Variants in TMC1 observed in about 807,000 individuals in gnomAD.
TMC1 encodes transmembrane channel-like protein 1.
A neutral mutation model predicts 105.8 loss-of-function variants in TMC1; 84 were observed. The observed-to-expected ratio is 0.79, with a 90% CI of 0.67 to 0.95. The LOEUF (loss-of-function observed/expected upper bound fraction) is 0.95. Ranked by LOEUF, TMC1 falls within the 40% of genes least tolerant of loss-of-function variation. TMC1 has a pLI of 0.00. For synonymous variants in TMC1, 315 were observed against 311.5 expected, an observed-to-expected ratio of 1.01 and a Z score of -0.12; for missense variants, 817 against 914.1, an observed-to-expected ratio of 0.89 and a Z score of 1.37.
intron 1 of TMC1, among the ~76,000 whole-genome samples, chr9:72,559,805 CA>C (rs1271329932): frequency 6.6e-6 from 1 of 151,924 alleles, no homozygotes; most frequent in Non-Finnish European, 1.5e-5. Context: ...GAAATGATGA[CA>C]AAAAAATGGC....
At position 72,648,684 on chromosome 9, in the gene TMC1, T is replaced by A; in HGVS notation, c.16+20T>A. ...AAAAAGGTATTTACAAAATCAAGAC[T>A]GTCTGTAGGACACTATGTCTTTCTG... On this transcript the variant is annotated intron_variant, in intron 5 of 23. Coordinates refer to ENST00000297784, the MANE Select transcript of TMC1 (RefSeq NM_138691.3). The A allele has an allele frequency of 6.2e-7, 1 of 1,604,152 alleles. No homozygotes were observed.
At chr9:72,714,459 G>A (rs900734852) in intron 8 of TMC1, among the ~76,000 whole-genome samples, 2 of 152,154 alleles carry the variant, frequency 1.3e-5, no homozygotes, top group Admixed American at 1.3e-4. Context: ...TGTATTGGGT[G>A]CATATATATT....
chr9:72,755,023 G>GGAAA (rs1201958519), intron 12 of TMC1, 139 bp downstream of exon 12: 7 of 334,024 alleles, frequency 2.1e-5, no homozygotes, highest in South Asian at 9.2e-5. Context: ...AAGAAAGAAA[G>GGAAA]GAAAGAAAGA....
intron 2 of TMC1, among the ~76,000 whole-genome samples, chr9:72,615,539 A>G (rs766894685): frequency 1.6e-4 from 25 of 152,236 alleles, no homozygotes; most frequent in Non-Finnish European, 2.5e-4. Context: ...GGGAAATCAC[A>G]TAACTGCTTC....
chr9:72,549,057 ATACTT>A (rs1161478118), intron 1 of TMC1, among the ~76,000 whole-genome samples: 1 of 152,218 alleles, frequency 6.6e-6, no homozygotes, highest in African/African-American at 2.4e-5. Flanking sequence ...GAATTTTAGA[ATACTT>A]TATAAGAAAC....
chr9:72,585,078 C>G (rs1266693491), intron 2 of TMC1, among the ~76,000 whole-genome samples: 4 of 151,748 alleles, frequency 2.6e-5, no homozygotes, highest in African/African-American at 9.7e-5. Context: ...AGCCACCATG[C>G]CTGGCCATTT....
chr9:72,661,335 C>G (rs924314785), intron 5 of TMC1, among the ~76,000 whole-genome samples: 1 of 152,222 alleles, frequency 6.6e-6, no homozygotes, highest in African/African-American at 2.4e-5. Flanking sequence ...ACTTCTCAAG[C>G]AGCTGTGTCA....
chr9:72,575,270 TC>T (rs1824361007), intron 1 of TMC1, among the ~76,000 whole-genome samples: 2 of 152,070 alleles, frequency 1.3e-5, no homozygotes, highest in African/African-American at 4.8e-5. Flanking sequence ...AACCTCTGCC[TC>T]CCGGGTTCAA....
At chr9:72,806,584 T>C (rs201828265) in intron 18 of TMC1, among the ~76,000 whole-genome samples, 22,011 of 134,760 alleles carry the variant, frequency 0.16, 1,992 homozygotes, top group African/African-American at 0.23. Flanking sequence ...ACTTCTCAGA[T>C]GGGGCGGCCG....
At chr9:72,595,221 C>G (rs1328938486) in intron 2 of TMC1, among the ~76,000 whole-genome samples, 2 of 152,120 alleles carry the variant, frequency 1.3e-5, no homozygotes, top group Admixed American at 1.3e-4. Context: ...GGATTTGAAG[C>G]CAAATGGTAT....
At chr9:72,755,982 G>A (rs1827670866) in intron 12 of TMC1, among the ~76,000 whole-genome samples, 1 of 152,260 alleles carries the variant, frequency 6.6e-6, no homozygotes, top group Middle Eastern at 3.4e-3. Context: ...ATGATTCATA[G>A]AGCCTTGAAG....
intron 12 of TMC1, among the ~76,000 whole-genome samples, chr9:72,766,930 C>T (rs1827847588): frequency 6.6e-6 from 1 of 152,196 alleles, no homozygotes; most frequent in African/African-American, 2.4e-5. Flanking sequence ...AGGAGTGTGG[C>T]CATGCGCTGC....
At chr9:72,733,215 T>C (rs939200354) in intron 8 of TMC1, among the ~76,000 whole-genome samples, 2 of 151,074 alleles carry the variant, frequency 1.3e-5, no homozygotes, top group Admixed American at 6.6e-5. Context: ...TTGAGAGAGA[T>C]AGAGAGAGAG....
chr9:72,639,060 T>C (rs1027827958), intron 4 of TMC1, among the ~76,000 whole-genome samples: 10 of 151,960 alleles, frequency 6.6e-5, no homozygotes, highest in Non-Finnish European at 1.5e-4. Context: ...TTCATTATTG[T>C]TTTTTTTAAA....
chr9:72,758,809 T>C (rs1370568118), intron 12 of TMC1, among the ~76,000 whole-genome samples: 2 of 152,222 alleles, frequency 1.3e-5, no homozygotes, highest in Non-Finnish European at 2.9e-5. Context: ...TTTATTATCA[T>C]TTTTGTGAAT....
chr9:72,831,959 T>C (rs74555786), intron 23 of TMC1, among the ~76,000 whole-genome samples: 1 of 151,238 alleles, frequency 6.6e-6, no homozygotes, highest in Non-Finnish European at 1.5e-5. Context: ...ACCCAAAGGA[T>C]TTTTTTTCTT....
At chr9:72,700,418 T>A in intron 7 of TMC1, 100 bp from the exon 8 acceptor site, 1 of 1,021,800 alleles carries the variant, frequency 9.8e-7, no homozygotes, top group Admixed American at 2.3e-5. Flanking sequence ...TATGGTTACA[T>A]TTAAAAAAAA....
At position 72,792,348 on chromosome 9, in the gene TMC1, G is replaced by C; in HGVS notation, c.1562G>C (p.Gly521Ala). Residue 521 changes from glycine (G) to alanine (A), a missense_variant, in exon 17 of 24, where the codon GGA becomes GCA. Transcript: ENST00000297784. Reference sequence around the variant, plus strand: ...GGACCTTGCTGGGAAACAATGGTGGGACAGGTAATGCCACCAACAGAAGTG... The same window carrying C: ...GGACCTTGCTGGGAAACAATGGTGGCACAGGTAATGCCACCAACAGAAGTG... ...PRGPCWETMV[G>A]QEFVRLTVSD... 1 of 1,614,026 alleles carries C rather than the reference G, an allele frequency of 6.2e-7. No individual in the cohort carries two copies. The highest frequency in any genetic ancestry group is 8.5e-7 in the Non-Finnish European group (1 of 1,179,978).
intron 2 of TMC1, among the ~76,000 whole-genome samples, chr9:72,606,978 T>TGTGTGC (rs1564440479): frequency 4.9e-4 from 67 of 138,112 alleles, no homozygotes; most frequent in African/African-American, 1.9e-3. Flanking sequence ...TATGTGTGTG[T>TGTGTGC]GTGCATATAT....
Sources: gnomAD v4.1 joint callset for allele counts (sites outside exome capture counted in the v4.1 genomes callset) on GRCh38, gnomAD v4.1.1 for gene constraint, MANE v1.5 for transcripts, NCBI Gene and HGNC (gene_info 2026-07-23, HGNC 2026-07-21) for gene names.